Variants in EEFSEC observed in about 807,000 individuals in gnomAD.
EEFSEC encodes the protein selenocysteine-specific elongation factor.
Under a neutral mutation model 42.1 loss-of-function variants are expected in EEFSEC, and 43 were observed. The ratio of observed to expected loss-of-function variants is 1.02; its 90% confidence interval spans 0.80 to 1.32. EEFSEC has a LOEUF of 1.32. EEFSEC is among the 40% of genes most tolerant of loss of function. EEFSEC has a pLI of 0.00. For synonymous variants in EEFSEC, 354 were observed against 339.1 expected, an observed-to-expected ratio of 1.04 and a Z score of -0.48; for missense variants, 745 against 803.6, an observed-to-expected ratio of 0.93 and a Z score of 0.88.
intron 4 of EEFSEC, among the ~76,000 whole-genome samples, chr3:128,331,946 G>T (rs2067138269): frequency 6.6e-6 from 1 of 152,002 alleles, no homozygotes; most frequent in African/African-American, 2.4e-5. Flanking sequence ...AGATATCTAT[G>T]CTAGAAAAAC....
At chr3:128,401,368 C>G (rs1377736422) in intron 6 of EEFSEC, among the ~76,000 whole-genome samples, 1 of 152,232 alleles carries the variant, frequency 6.6e-6, no homozygotes, top group Admixed American at 6.5e-5. Flanking sequence ...CTCCCTGAGC[C>G]CGTGTGCTAG....
the EEFSEC span, among the ~76,000 whole-genome samples, chr3:128,421,057 G>A: frequency 6.6e-6 from 1 of 152,244 alleles, no homozygotes; most frequent in South Asian, 2.1e-4. Context: ...CCCCATCCTG[G>A]GCCCCAGGAG....
At chr3:128,379,811 A>C (rs996972342) in intron 6 of EEFSEC, among the ~76,000 whole-genome samples, 4 of 152,162 alleles carry the variant, frequency 2.6e-5, no homozygotes, top group Non-Finnish European at 5.9e-5. Context: ...CCCCTCCCTC[A>C]CCCCAGATGA....
At chr3:128,391,522 C>T (rs541663294) in intron 6 of EEFSEC, among the ~76,000 whole-genome samples, 4 of 152,340 alleles carry the variant, frequency 2.6e-5, no homozygotes, top group African/African-American at 7.2e-5. Context: ...TCCAGGCCTG[C>T]TCAGGGTGTG....
At chr3:128,237,927 C>G (rs1341354595) in intron 1 of EEFSEC, among the ~76,000 whole-genome samples, 1 of 152,186 alleles carries the variant, frequency 6.6e-6, no homozygotes, top group African/African-American at 2.4e-5. Context: ...CCCACCTGCT[C>G]TTTGGGATGC....
At chr3:128,360,175 G>T (rs1453720722) in intron 6 of EEFSEC, among the ~76,000 whole-genome samples, 1 of 152,218 alleles carries the variant, frequency 6.6e-6, no homozygotes, top group African/African-American at 2.4e-5. Context: ...CTCCATAGTG[G>T]CTCTGAGTCC....
At chr3:128,155,904 A>G (rs1051764761) in intron 1 of EEFSEC, among the ~76,000 whole-genome samples, 3 of 152,134 alleles carry the variant, frequency 2.0e-5, no homozygotes, top group African/African-American at 7.2e-5. Context: ...TCCTCAATCC[A>G]TGTTTCAGTC....
chr3:128,184,677 T>G (rs2065446743), intron 1 of EEFSEC, among the ~76,000 whole-genome samples: 1 of 152,242 alleles, frequency 6.6e-6, no homozygotes, highest in Admixed American at 6.5e-5. Context: ...TTTGTGAGTA[T>G]TGTTAGTGAT....
At chr3:128,384,639 T>TGA (rs1221895989) in intron 6 of EEFSEC, among the ~76,000 whole-genome samples, 1 of 152,180 alleles carries the variant, frequency 6.6e-6, no homozygotes, top group Non-Finnish European at 1.5e-5. Context: ...GCTGTACCCC[T>TGA]GAGCCCCTAG....
chr3:128,163,581 G>C (rs774018470), intron 1 of EEFSEC, among the ~76,000 whole-genome samples: 46 of 151,640 alleles, frequency 3.0e-4, no homozygotes, highest in Non-Finnish European at 5.7e-4. Context: ...TGTACACTAA[G>C]TGAACACTCA....
intron 6 of EEFSEC, among the ~76,000 whole-genome samples, chr3:128,390,006 G>A (rs907507233): frequency 6.6e-6 from 1 of 152,226 alleles, no homozygotes; most frequent in Admixed American, 6.5e-5. Context: ...AGGCAGGGAG[G>A]CCCAGTGTCA....
intron 6 of EEFSEC, among the ~76,000 whole-genome samples, chr3:128,370,132 T>C (rs896109095): frequency 1.3e-5 from 2 of 152,242 alleles, no homozygotes; most frequent in African/African-American, 4.8e-5. Flanking sequence ...GTTGGTTGTT[T>C]CCCAGTGCAC....
chr3:128,348,210 T>C (rs1255803738), intron 5 of EEFSEC, among the ~76,000 whole-genome samples: 1 of 147,506 alleles, frequency 6.8e-6, no homozygotes, highest in Non-Finnish European at 1.5e-5. Context: ...AAAGCAGTTA[T>C]ATATAGATAT....
chr3:128,238,471 T>C (rs948771654), intron 1 of EEFSEC, among the ~76,000 whole-genome samples: 1 of 152,214 alleles, frequency 6.6e-6, no homozygotes, highest in African/African-American at 2.4e-5. Context: ...GTGAAGTCCT[T>C]GGCTCCAATT....
At chr3:128,359,980 C>T (rs989871329) in intron 6 of EEFSEC, among the ~76,000 whole-genome samples, 1 of 152,230 alleles carries the variant, frequency 6.6e-6, no homozygotes, top group African/African-American at 2.4e-5. Flanking sequence ...CCAGAGATAG[C>T]ATCTGCCTTC....
chr3:128,238,271 C>T (rs1168426239), intron 1 of EEFSEC, among the ~76,000 whole-genome samples: 1 of 152,220 alleles, frequency 6.6e-6, no homozygotes, highest in African/African-American at 2.4e-5. Context: ...CAGGAGACAG[C>T]TGCTCCTCAG....
In EEFSEC at chr3:128,199,926, G is replaced by A. The variant is rs141122630; in HGVS notation, c.316+46103G>A. On this transcript the variant is annotated intron_variant, in intron 1 of 6. Coordinates refer to ENST00000254730, the MANE Select transcript of EEFSEC (RefSeq NM_021937.5). The stretch of plus-strand genomic sequence containing the variant: ...TTTTTATATTTTTAGTAGAGACAGC[G>A]TTTTGGCACTTTGGCCAGGCTGGCC... Among the ~76,000 whole-genome samples, 447 of 152,210 alleles carry A rather than the reference G, an allele frequency of 2.9e-3. 6 individuals are homozygous for A. Among genetic ancestry groups the A allele is most frequent in the African/African-American group, 1.0e-2 (415 of 41,534 alleles).
intron 1 of EEFSEC, among the ~76,000 whole-genome samples, chr3:128,217,898 T>C (rs2065826084): frequency 6.6e-6 from 1 of 152,186 alleles, no homozygotes. Flanking sequence ...CGAACATTTT[T>C]CCACTTGGCT....
At chr3:128,265,024 G>A (rs1357681548) in intron 4 of EEFSEC, among the ~76,000 whole-genome samples, 1 of 152,160 alleles carries the variant, frequency 6.6e-6, no homozygotes, top group Non-Finnish European at 1.5e-5. Context: ...CCTATGATGT[G>A]CCTCAAGGAG....
Sources: gnomAD v4.1 joint callset for allele counts (sites outside exome capture counted in the v4.1 genomes callset) on GRCh38, gnomAD v4.1.1 for gene constraint, MANE v1.5 for transcripts, NCBI Gene and HGNC (gene_info 2026-07-23, HGNC 2026-07-21) for gene names.